The following NFIB variants were observed in gnomAD, a reference collection of about 807,000 sequenced individuals.
The protein encoded by NFIB is nuclear factor 1 B-type.
A neutral mutation model predicts 61.5 loss-of-function variants in NFIB; 11 were observed. The ratio of observed to expected loss-of-function variants is 0.18; its 90% CI spans 0.11 to 0.30. The LOEUF (loss-of-function observed/expected upper bound fraction) is 0.30. NFIB is among the 10% of genes least tolerant of loss of function. NFIB has a pLI of 1.00. For synonymous variants in NFIB, 260 were observed against 216.5 expected (o/e 1.20, Z -1.76); for missense variants, 471 against 608.9 (o/e 0.77, Z 2.38).
intron 2 of NFIB, among the ~76,000 whole-genome samples, chr9:14,290,686 T>C (rs1005887718): frequency 7.2e-5 from 11 of 152,098 alleles, no homozygotes; most frequent in Admixed American, 2.0e-4. Context: ...AGTGGAAATG[T>C]ATTTCTAAAA....
chr9:14,261,146 G>A (rs977521240), intron 2 of NFIB, among the ~76,000 whole-genome samples: 3 of 152,046 alleles, frequency 2.0e-5, no homozygotes, highest in East Asian at 1.9e-4. Context: ...GTGAAACCCC[G>A]TCTCTACTAA....
chr9:14,492,562 A>G, the NFIB span, among the ~76,000 whole-genome samples: 1 of 152,048 alleles, frequency 6.6e-6, no homozygotes, highest in Non-Finnish European at 1.5e-5. Flanking sequence ...ACATGGCCAG[A>G]GCAGGAAGAA....
At chr9:14,314,273 G>A (rs2060436294), upstream of NFIB, 2 of 542,050 alleles carry the variant, frequency 3.7e-6, no homozygotes, top group East Asian at 1.0e-4. Flanking sequence ...CGCGGCGCGT[G>A]GTCCCCGGCA....
At chr9:14,227,298 G>T (rs2052554705) in intron 2 of NFIB, among the ~76,000 whole-genome samples, 1 of 152,152 alleles carries the variant, frequency 6.6e-6, no homozygotes, top group Non-Finnish European at 1.5e-5. Flanking sequence ...TTGCTGGTGA[G>T]ATCTTATTTT....
intron 2 of NFIB, among the ~76,000 whole-genome samples, chr9:14,206,688 T>A (rs952186834): frequency 9.3e-6 from 1 of 107,632 alleles, no homozygotes; most frequent in Non-Finnish European, 1.7e-5. Flanking sequence ...TCAGACAACA[T>A]GCTTTACAAA....
intron 1 of NFIB, among the ~76,000 whole-genome samples, chr9:14,371,529 G>A (rs1264909354): frequency 6.6e-6 from 1 of 152,132 alleles, no homozygotes; most frequent in East Asian, 1.9e-4. Flanking sequence ...CCTCTCCTAT[G>A]TCTCAGAAAT....
intron 3 of NFIB, among the ~76,000 whole-genome samples, chr9:14,160,305 G>A (rs975446897): frequency 1.3e-5 from 2 of 151,922 alleles, no homozygotes; most frequent in African/African-American, 4.8e-5. Flanking sequence ...GGACACAATG[G>A]CATATCTAAC....
At chr9:14,427,934 G>GTTTTTTT in the NFIB span, among the ~76,000 whole-genome samples, 90 of 25,964 alleles carry the variant, frequency 3.5e-3, 3 homozygotes, top group African/African-American at 5.1e-3. Context: ...CTTTAATTCA[G>GTTTTTTT]TTGTTTTTTT....
chr9:14,188,589 T>A (rs2047624519), intron 2 of NFIB, among the ~76,000 whole-genome samples: 1 of 152,266 alleles, frequency 6.6e-6, no homozygotes. Context: ...AAGAGGGTTG[T>A]AAGATTTATA....
chr9:14,315,543 G>A (rs2060504104), upstream of NFIB, among the ~76,000 whole-genome samples: 2 of 143,834 alleles, frequency 1.4e-5, no homozygotes, highest in African/African-American at 2.5e-5. Context: ...CGGGGCTGCG[G>A]GGCGGGCCGG....
the NFIB span, among the ~76,000 whole-genome samples, chr9:14,462,528 C>T: frequency 6.6e-6 from 1 of 152,020 alleles, no homozygotes; most frequent in Non-Finnish European, 1.5e-5. Flanking sequence ...ATGATCAGCC[C>T]GCCTCGGCCT....
chr9:14,488,195 C>T, the NFIB span, among the ~76,000 whole-genome samples: 2 of 151,988 alleles, frequency 1.3e-5, no homozygotes, highest in East Asian at 3.9e-4. Context: ...GAGACTCCAT[C>T]TTTACAAAAC....
the NFIB span, among the ~76,000 whole-genome samples, chr9:14,466,253 T>C: frequency 3.9e-5 from 6 of 152,178 alleles, no homozygotes; most frequent in African/African-American, 1.2e-4. Context: ...TAATTATTCA[T>C]TACTATTTGT....
the NFIB span, among the ~76,000 whole-genome samples, chr9:14,452,588 C>T: frequency 6.6e-6 from 1 of 152,076 alleles, no homozygotes; most frequent in Admixed American, 6.6e-5. Flanking sequence ...AGGAGTGGTA[C>T]AGTCATCTAC....
chr9:14,339,287 GATT>G (rs2060922759), intron 1 of NFIB, among the ~76,000 whole-genome samples: 1 of 152,164 alleles, frequency 6.6e-6, no homozygotes, highest in Non-Finnish European at 1.5e-5. Context: ...TTGTTGCTGT[GATT>G]ATTATTGTTG....
At chr9:14,315,633 G>T (rs957797965), upstream of NFIB, among the ~76,000 whole-genome samples, 1 of 148,204 alleles carries the variant, frequency 6.7e-6, no homozygotes, top group Admixed American at 6.7e-5. Flanking sequence ...TCCCCACCGC[G>T]GCGCTGCCCC....
In NFIB at chr9:14,227,141, CAAAAAAA is replaced by C. The variant is rs747407066; in HGVS notation, c.563-47368_563-47362del. On this transcript the variant is annotated intron_variant, in intron 2 of 10. Coordinates refer to ENST00000380953, the MANE Select transcript of NFIB (RefSeq NM_001190737.2). ...GGGCAACGAGAGCAAAACTCCGTGT[CAAAAAAA>C]AAAAAAAAAAGAAAGAAAAGTAAAG... is the stretch of plus-strand genomic sequence containing the variant. Among the ~76,000 whole-genome samples, 6 of 85,146 alleles carry C rather than the reference CAAAAAAA, an allele frequency of 7.0e-5. No homozygotes were observed. The South Asian group carries it at 2.0e-3, about 28-fold the overall frequency. The allele number at this position is 85,146 out of a possible 152,430, so 55.9% of individuals were successfully genotyped here.
chr9:14,089,147 C>T (rs1465848181), intron 10 of NFIB, among the ~76,000 whole-genome samples: 1 of 152,076 alleles, frequency 6.6e-6, no homozygotes, highest in Non-Finnish European at 1.5e-5. Context: ...GCTTTTCCTT[C>T]CAATTCATGG....
chr9:14,495,446 C>CTTTTTGTTTTTTTTTTTTTT, the NFIB span, among the ~76,000 whole-genome samples: 1 of 117,264 alleles, frequency 8.5e-6, no homozygotes, highest in African/African-American at 3.8e-5. Flanking sequence ...GAGAAATGAA[C>CTTTTTGTTTTTTTTTTTTTT]TTTTTTTTTT....
Sources: allele counts gnomAD v4.1 joint callset (sites outside exome capture counted in the v4.1 genomes callset), GRCh38; gene constraint gnomAD v4.1.1; transcripts MANE v1.5; gene names NCBI Gene and HGNC (gene_info 2026-07-23, HGNC 2026-07-21).